Variants in COMMD1 observed in about 807,000 individuals in gnomAD.
COMMD1 encodes the protein COMM domain-containing protein 1.
Under a neutral mutation model 17.2 loss-of-function variants are expected in COMMD1, and 10 were observed. That is an observed-to-expected ratio of 0.58 (90% CI 0.36 to 0.99). The LOEUF is 0.99. COMMD1 is among the 50% of genes least tolerant of loss of function. COMMD1 has a pLI of 0.01. For synonymous variants in COMMD1, 97 were observed against 91.6 expected (o/e 1.06, Z -0.34); for missense variants, 270 against 231.8 (o/e 1.17, Z -1.07).
intron 2 of COMMD1, among the ~76,000 whole-genome samples, chr2:62,119,655 C>T (rs1302571951): frequency 6.6e-6 from 1 of 152,198 alleles, no homozygotes; most frequent in Non-Finnish European, 1.5e-5. Context: ...ATGGTGCTGT[C>T]ATGAGTTAAC....
In COMMD1 at chr2:62,101,825, C is replaced by T. The variant is rs149634910; in HGVS notation, c.463-34006C>T. 1.5e-4 allele frequency among the ~76,000 whole-genome samples: 23 copies of T among 152,268 alleles called. No homozygotes were observed. In the East Asian group the frequency reaches 4.1e-3, roughly 27 times the overall value. ...CACCCTTTCAGCACCTCAGTGTGCTCGTCACCTTGGTAGCTCTCTAAACAC... is the reference window on the plus strand; with the variant it reads ...CACCCTTTCAGCACCTCAGTGTGCTTGTCACCTTGGTAGCTCTCTAAACAC... On this transcript the variant is annotated intron_variant, in intron 2 of 2. Transcript: ENST00000311832.
intron 2 of COMMD1, among the ~76,000 whole-genome samples, chr2:62,130,170 C>A (rs866651673): frequency 4.5e-4 from 63 of 141,160 alleles, no homozygotes; most frequent in Middle Eastern, 3.7e-3. Context: ...AAAAAAAAAA[C>A]AAACAAAAAA....
intron 2 of COMMD1, among the ~76,000 whole-genome samples, chr2:62,043,119 G>A (rs1414319813): frequency 6.6e-6 from 1 of 152,156 alleles, no homozygotes; most frequent in African/African-American, 2.4e-5. Context: ...TTGTCCATGA[G>A]TCAGACTTTG....
chr2:62,113,311 C>CA (rs1212734944), intron 2 of COMMD1, among the ~76,000 whole-genome samples: 2 of 152,120 alleles, frequency 1.3e-5, no homozygotes. Context: ...ATGATTGTGC[C>CA]ACTGCACTCC....
At position 61,905,674 on chromosome 2, in the gene COMMD1, A is replaced by T; in HGVS notation, c.-5A>T. 1.3e-6 allele frequency: 2 copies of T among 1,549,578 alleles called. No homozygotes were observed. Among genetic ancestry groups the T allele is most frequent in the Non-Finnish European group, 1.7e-6 (2 of 1,143,686 alleles). ...AGCTGTTGCGGGGCGGGGCCTTCGC[A>T]GAGCATGGCGGCGGGCGAGCTTGAG... On this transcript the variant is annotated 5_prime_UTR_variant, in exon 1 of 3. Coordinates refer to ENST00000311832, the MANE Select transcript of COMMD1 (RefSeq NM_152516.4).
At chr2:61,995,254 C>G (rs1375300501) in intron 1 of COMMD1, among the ~76,000 whole-genome samples, 4 of 152,194 alleles carry the variant, frequency 2.6e-5, no homozygotes, top group Admixed American at 2.0e-4. Flanking sequence ...TGGCCAGATT[C>G]AGCGTTCTAA....
chr2:62,079,028 G>A (rs535286110), intron 2 of COMMD1, among the ~76,000 whole-genome samples: 1 of 152,190 alleles, frequency 6.6e-6, no homozygotes, highest in African/African-American at 2.4e-5. Context: ...GTATAATGAG[G>A]CATGTCTGAC....
chr2:61,999,637 C>T (rs1292531128), intron 1 of COMMD1, among the ~76,000 whole-genome samples: 2 of 151,916 alleles, frequency 1.3e-5, no homozygotes, highest in Non-Finnish European at 2.9e-5. Context: ...CTGTGTTGCC[C>T]AGGCTGGACT....
intron 1 of COMMD1, among the ~76,000 whole-genome samples, chr2:61,969,389 CA>C (rs1359891151): frequency 6.6e-6 from 1 of 152,070 alleles, no homozygotes; most frequent in East Asian, 1.9e-4. Context: ...TCATTACTAA[CA>C]ATAGTCACCA....
chr2:62,025,146 G>A (rs1669721291), intron 2 of COMMD1, among the ~76,000 whole-genome samples: 1 of 152,112 alleles, frequency 6.6e-6, no homozygotes, highest in Non-Finnish European at 1.5e-5. Context: ...CTTCAACCCG[G>A]GAGGTGGAGG....
intron 2 of COMMD1, among the ~76,000 whole-genome samples, chr2:62,080,494 G>A (rs1244169470): frequency 6.6e-6 from 1 of 152,204 alleles, no homozygotes; most frequent in East Asian, 1.9e-4. Flanking sequence ...AGAAATCACT[G>A]GGGGAGTTGT....
chr2:61,955,893 G>T (rs1368796585), intron 1 of COMMD1, among the ~76,000 whole-genome samples: 1 of 152,140 alleles, frequency 6.6e-6, no homozygotes, highest in Non-Finnish European at 1.5e-5. Flanking sequence ...CACCGTGTTA[G>T]CCAGGCTGGT....
At chr2:62,133,145 G>A (rs560969650) in intron 2 of COMMD1, among the ~76,000 whole-genome samples, 9 of 152,214 alleles carry the variant, frequency 5.9e-5, no homozygotes, top group Non-Finnish European at 1.0e-4. Context: ...CAGGACTCCT[G>A]TAGGCAAGGA....
At chr2:62,128,187 G>GCATTTGGCTGGCTACATGCTA (rs1672933910) in intron 2 of COMMD1, among the ~76,000 whole-genome samples, 1 of 151,924 alleles carries the variant, frequency 6.6e-6, no homozygotes, top group Non-Finnish European at 1.5e-5. Flanking sequence ...AATTAGCCAG[G>GCATTTGGCTGGCTACATGCTA]CATGTTGGCA....
intron 1 of COMMD1, among the ~76,000 whole-genome samples, chr2:61,910,258 C>CG (rs1176475926): frequency 4.0e-5 from 6 of 151,890 alleles, no homozygotes; most frequent in African/African-American, 1.5e-4. Context: ...ACTGCCCCCC[C>CG]CTTTTTTTTT....
At chr2:61,989,463 A>AT (rs1238326375) in intron 1 of COMMD1, among the ~76,000 whole-genome samples, 18,017 of 137,342 alleles carry the variant, frequency 0.13, 1,450 homozygotes, top group Non-Finnish European at 0.19. Context: ...GCAAATATTG[A>AT]TTTTTTTTTT....
intron 2 of COMMD1, among the ~76,000 whole-genome samples, chr2:62,027,864 A>G (rs963124343): frequency 2.0e-5 from 3 of 152,002 alleles, no homozygotes; most frequent in Non-Finnish European, 4.4e-5. Flanking sequence ...ATTTCTTGCT[A>G]TGTTGCTCAA....
chr2:61,980,887 G>A (rs1558546727), intron 1 of COMMD1, among the ~76,000 whole-genome samples: 1 of 152,100 alleles, frequency 6.6e-6, no homozygotes, highest in Admixed American at 6.6e-5. Flanking sequence ...GTTTTGATTT[G>A]CATTTCTTTG....
intron 2 of COMMD1, among the ~76,000 whole-genome samples, chr2:62,081,502 A>G (rs1671518994): frequency 1.3e-5 from 2 of 152,026 alleles, no homozygotes; most frequent in African/African-American, 4.8e-5. Context: ...TGCCTGCCTC[A>G]GCCTCCCAAA....
Sources: gnomAD v4.1 joint callset for allele counts (sites outside exome capture counted in the v4.1 genomes callset) on GRCh38, gnomAD v4.1.1 for gene constraint, MANE v1.5 for transcripts, NCBI Gene and HGNC (gene_info 2026-07-23, HGNC 2026-07-21) for gene names.